HELB: variants seen among roughly 807,000 people sequenced by gnomAD.
HELB encodes the protein DNA 5'-3' helicase B.
HELB carries 96 observed loss-of-function variants against 101.7 expected under a neutral mutation model. That is an observed-to-expected ratio of 0.94 (90% CI 0.80 to 1.12). HELB has a LOEUF of 1.12. Among genes scored for constraint, HELB ranks in the 50% most tolerant of loss-of-function variants. HELB has a pLI of 0.00. For missense variants in HELB, 1,210 were observed against 1,291.9 expected (o/e 0.94, Z 0.97); for synonymous variants, 437 against 459.7 (o/e 0.95, Z 0.63).
chr12:66,335,367 G>A (rs987520347), intron 12 of HELB, among the ~76,000 whole-genome samples: 1 of 152,146 alleles, frequency 6.6e-6, no homozygotes, highest in Non-Finnish European at 1.5e-5. Context: ...ATCTGGCAGA[G>A]GAGGAGGAAC....
intron 12 of HELB, among the ~76,000 whole-genome samples, chr12:66,336,915 T>C (rs1272149498): frequency 6.6e-6 from 1 of 152,164 alleles, no homozygotes; most frequent in Non-Finnish European, 1.5e-5. Context: ...TGGATGATGA[T>C]GGTTAGGGAG....
intron 10 of HELB, 86 bp from the exon 11 acceptor site, chr12:66,324,897 T>C: frequency 6.6e-7 from 1 of 1,521,142 alleles, no homozygotes; most frequent in Non-Finnish European, 9.1e-7. Flanking sequence ...ATTTTATGTT[T>C]GACCCAAAGA....
At position 66,338,023 on chromosome 12, in the gene HELB, C is replaced by T; in HGVS notation, c.3185C>T (p.Ser1062Phe). The change falls in exon 13 of 13, where the codon TCT becomes TTT. Residue 1062 changes from serine (S) to phenylalanine (F), a missense_variant. Ser to Phe is a radical substitution (Grantham distance 155, BLOSUM62 -2). Coordinates refer to ENST00000247815, the MANE Select transcript of HELB (RefSeq NM_001370285.1). ...CAGGTGGGAGAATCTCCACAAGTGT[C>T]TTCCAGACTTCAGAATTTGAGACTG... ...IFMVGESPQVSSRLQNLRLNN... is the reference protein window; with the variant it reads ...IFMVGESPQVFSRLQNLRLNN... 1.2e-6 allele frequency: 2 copies of T among 1,600,240 alleles called. No homozygotes were observed. The highest frequency in any genetic ancestry group is 1.7e-6 in the Non-Finnish European group (2 of 1,168,042).
In HELB at chr12:66,318,697, C is replaced by T; in HGVS notation, c.2060C>T (p.Thr687Ile). Residue 687 changes from threonine (T) to isoleucine (I), a missense_variant, in exon 7 of 13, where the codon ACA (threonine) becomes ATA (isoleucine). Thr to Ile is a moderately conservative substitution (Grantham distance 89, BLOSUM62 -1). This residue lies in a region of HELB where 740 missense variants were observed against 728.8 expected (regional missense o/e 1.02). Coordinates refer to ENST00000247815, the MANE Select transcript of HELB (RefSeq NM_001370285.1). ...GAACTAAATATCTCTGATAATCCAA[C>T]ATTACCCATCTCAATTCAAGATAAG... ...DAELNISDNP[T>I]LPISIQDKTF... The T allele has an allele frequency of 5.0e-6, 8 of 1,608,784 alleles. No individual in the cohort carries two copies. Among genetic ancestry groups the T allele is most frequent in the Non-Finnish European group, 6.8e-6 (8 of 1,178,544 alleles).
In HELB at chr12:66,304,768, A is replaced by G; in HGVS notation, c.225A>G (p.Lys75=). 6.2e-7 allele frequency: 1 copy of G among 1,613,406 alleles called. No individual in the cohort carries two copies. Among genetic ancestry groups the G allele is most frequent in the Non-Finnish European group, 8.5e-7 (1 of 1,179,754 alleles). The part of the protein sequence containing the change: ...ICDENTQETC[K]VFGRFPITGA... The stretch of plus-strand genomic sequence containing the variant: ...ATGAAAACACACAAGAGACATGTAA[A>G]GTGTTTGGACGTTTTCCGATAACAG... Residue 75 remains lysine (K), a synonymous_variant, in exon 2 of 13, where the codon AAA becomes AAG. Transcript: ENST00000247815.
chr12:66,322,107 A>T (rs957834515), intron 8 of HELB, 78 bp downstream of exon 8: 1 of 607,754 alleles, frequency 1.6e-6, no homozygotes, highest in Non-Finnish European at 2.9e-6. Context: ...TCCTGTTTGG[A>T]TGGGAGATTC....
At chr12:66,336,616 T>C (rs146549717) in intron 12 of HELB, among the ~76,000 whole-genome samples, 86 of 152,296 alleles carry the variant, frequency 5.6e-4, no homozygotes, top group African/African-American at 1.9e-3. Flanking sequence ...TTATATCCTC[T>C]GTCCCCATAT....
intron 11 of HELB, 119 bp downstream of exon 11, chr12:66,325,245 C>G (rs1221833514): frequency 1.1e-5 from 7 of 662,908 alleles, no homozygotes; most frequent in Non-Finnish European, 1.8e-5. Flanking sequence ...ACAAAATACA[C>G]AAAAGTACAG....
At chr12:66,317,449 A>G (rs2053621502) in intron 6 of HELB, among the ~76,000 whole-genome samples, 3 of 152,218 alleles carry the variant, frequency 2.0e-5, no homozygotes, top group African/African-American at 4.8e-5. Context: ...AGTTGGATGT[A>G]GAATAATCTT....
Position 66,310,149 on chromosome 12 carries a change from T to C in HELB, c.1221T>C (p.Pro407=). ...ATGATGCATTGAATGAGAGCAAACC[T>C]GATGAAGTAAGATTAGAAAATCCTG... ...SSDDALNESK[P]DEVRLENPVD... The change falls in exon 4 of 13, where the codon CCT becomes CCC. Residue 407 remains proline (P), a synonymous_variant. Transcript: ENST00000247815. The C allele has an allele frequency of 6.2e-7, 1 of 1,614,152 alleles. No individual in the cohort carries two copies. The highest frequency in any genetic ancestry group is 8.5e-7 in the Non-Finnish European group (1 of 1,180,014).
At chr12:66,343,101 C>A (rs2053929634), downstream of HELB, 1 of 152,134 alleles carries the variant, frequency 6.6e-6, no homozygotes, top group Non-Finnish European at 1.5e-5. Context: ...TCTTCTTTTT[C>A]AAGTTTGTTT....
rs1313938286 is a variant in HELB, at chr12:66,337,998, C to T, written c.3163-3C>T. On this transcript the variant is annotated splice_polypyrimidine_tract_variant and splice_region_variant and intron_variant, in intron 12 of 12. Transcript: ENST00000247815. ...AACTTTGTTATTTTAATTGTTCTAA[C>T]AGGTGGGAGAATCTCCACAAGTGTC... 1.3e-6 allele frequency: 2 copies of T among 1,506,408 alleles called. No homozygotes were observed. The highest frequency in any genetic ancestry group is 1.8e-6 in the Non-Finnish European group (2 of 1,085,812). The allele number at this position is 1,506,408 out of a possible 1,614,324, so 93.3% of individuals were successfully genotyped here.
Position 66,318,675 on chromosome 12 carries a change from C to G in HELB, c.2038C>G (p.Leu680Val). The change falls in exon 7 of 13, where the codon CTA (leucine) becomes GTA (valine). Residue 680 changes from leucine (L) to valine (V), a missense_variant. Leu to Val is a conservative substitution (Grantham distance 32, BLOSUM62 1). This residue lies in a region of HELB where 740 missense variants were observed against 728.8 expected (regional missense o/e 1.02). Coordinates refer to ENST00000247815, the MANE Select transcript of HELB (RefSeq NM_001370285.1). ...RRQFPKFDAE[L>V]NISDNPTLPI... ...CCAATTTCCAAAATTTGATGCAGAA[C>G]TAAATATCTCTGATAATCCAACATT... The G allele has an allele frequency of 6.2e-7, 1 of 1,604,548 alleles. No individual in the cohort carries two copies. The highest frequency in any genetic ancestry group is 8.5e-7 in the Non-Finnish European group (1 of 1,177,650).
chr12:66,315,421 G>C (rs1167058586), intron 6 of HELB, 38 bp downstream of exon 6: 2 of 1,417,068 alleles, frequency 1.4e-6, no homozygotes, highest in African/African-American at 2.9e-5. Flanking sequence ...TCTGTCTGTT[G>C]TATTAGAAAT....
intron 2 of HELB, among the ~76,000 whole-genome samples, chr12:66,306,043 A>G (rs2053471439): frequency 6.6e-6 from 1 of 152,206 alleles, no homozygotes; most frequent in African/African-American, 2.4e-5. Flanking sequence ...ATTTATCTTT[A>G]TATAATTGAG....
intron 11 of HELB, among the ~76,000 whole-genome samples, chr12:66,328,510 C>T (rs945241119): frequency 2.6e-5 from 4 of 152,134 alleles, no homozygotes; most frequent in Admixed American, 2.6e-4. Context: ...CTGCAGTGAG[C>T]TCCTAGCCCG....
chr12:66,314,469 C>T lies in HELB; in HGVS notation c.1858+306C>T, dbSNP rs1034337644. Among the ~76,000 whole-genome samples the T allele has an allele frequency of 2.6e-5, 4 of 152,172 alleles. No homozygotes were observed. In the East Asian group the frequency reaches 7.7e-4, roughly 29 times the overall value. On this transcript the variant is annotated intron_variant, in intron 5 of 12. Coordinates refer to ENST00000247815, the MANE Select transcript of HELB (RefSeq NM_001370285.1). Reference sequence around the variant, plus strand: ...ATTCAGAGTAAATCAGGATGTGAATCATTTGGAAATGATAAAAAGTTTGAA... The same window carrying T: ...ATTCAGAGTAAATCAGGATGTGAATTATTTGGAAATGATAAAAAGTTTGAA...
downstream of HELB, chr12:66,341,315 A>G (rs1358280744): frequency 6.6e-6 from 1 of 152,284 alleles, no homozygotes; most frequent in Non-Finnish European, 1.5e-5. Context: ...CACGCTGCTT[A>G]TCTCCATTCG....
At position 66,331,602 on chromosome 12, in the gene HELB, C is replaced by A; in HGVS notation, c.3119C>A (p.Thr1040Asn). The A allele has an allele frequency of 6.2e-7, 1 of 1,609,790 alleles. No homozygotes were observed. Among genetic ancestry groups the A allele is most frequent in the Non-Finnish European group, 8.5e-7 (1 of 1,179,674 alleles). Residue 1040 changes from threonine (T) to asparagine (N), a missense_variant, in exon 12 of 13, where the codon ACC becomes AAC. Physicochemically the swap from Thr to Asn is moderately conservative, Grantham distance 65. Around this residue, in one of 2 missense-constraint regions of HELB, gnomAD observed 740 missense variants for 728.8 expected, o/e 1.02. Coordinates refer to ENST00000247815, the MANE Select transcript of HELB (RefSeq NM_001370285.1). ...DLPKSRASKR[T>N]CGVNDDESPS... ...CCAAAATCGCGAGCATCCAAAAGAACCTGTGGTGTGAATGATGATGAAAGT... is the reference window on the plus strand; with the variant it reads ...CCAAAATCGCGAGCATCCAAAAGAAACTGTGGTGTGAATGATGATGAAAGT...
Sources: allele counts gnomAD v4.1 joint callset (sites outside exome capture counted in the v4.1 genomes callset), GRCh38; gene constraint gnomAD v4.1.1; regional missense constraint gnomAD v4.1.1; transcripts MANE v1.5; gene names NCBI Gene and HGNC (gene_info 2026-07-23, HGNC 2026-07-21).